Variants in DSCAM observed in about 807,000 individuals in gnomAD.
DSCAM encodes cell adhesion molecule DSCAM.
A neutral mutation model predicts 217.7 loss-of-function variants in DSCAM; 47 were observed. The ratio of observed to expected loss-of-function variants is 0.22; its 90% CI spans 0.17 to 0.28. The LOEUF is 0.28. Among genes scored for constraint, DSCAM ranks in the 10% least tolerant of loss-of-function variants. The probability of loss-of-function intolerance (pLI) is 1.00; values close to 1 mark genes in which losing one functional copy is unlikely to be tolerated. For synonymous variants in DSCAM, 1,056 were observed against 1,015.3 expected (o/e 1.04, Z -0.76); for missense variants, 2,080 against 2,618.3 (o/e 0.79, Z 4.49).
intron 3 of DSCAM, among the ~76,000 whole-genome samples, chr21:40,641,082 A>G (rs1345390660): frequency 6.6e-6 from 1 of 152,216 alleles, no homozygotes; most frequent in East Asian, 1.9e-4. Flanking sequence ...AACCAAACCT[A>G]GTAATACATA....
intron 1 of DSCAM, among the ~76,000 whole-genome samples, chr21:40,837,319 G>A (rs1034273454): frequency 6.6e-6 from 1 of 152,062 alleles, no homozygotes; most frequent in Admixed American, 6.6e-5. Flanking sequence ...AGAGTGTGGG[G>A]CCCCTCGTGC....
intron 26 of DSCAM, among the ~76,000 whole-genome samples, chr21:40,078,361 C>G (rs2089398977): frequency 6.6e-6 from 1 of 152,124 alleles, no homozygotes; most frequent in Non-Finnish European, 1.5e-5. Flanking sequence ...ACAACAAAAG[C>G]AATGTTAGCT....
intron 32 of DSCAM, among the ~76,000 whole-genome samples, chr21:40,035,704 G>A (rs1291676408): frequency 1.3e-5 from 2 of 150,948 alleles, no homozygotes; most frequent in African/African-American, 5.0e-5. Context: ...CAAATCAACA[G>A]AATACACATT....
At chr21:40,350,057 T>A (rs2074612427) in intron 5 of DSCAM, among the ~76,000 whole-genome samples, 1 of 152,146 alleles carries the variant, frequency 6.6e-6, no homozygotes, top group Admixed American at 6.5e-5. Flanking sequence ...ATTATTATTA[T>A]TATTATTTAT....
chr21:40,021,728 T>C (rs1425743636), intron 32 of DSCAM, among the ~76,000 whole-genome samples: 1 of 152,232 alleles, frequency 6.6e-6, no homozygotes, highest in African/African-American at 2.4e-5. Flanking sequence ...TAGGTCAGCA[T>C]TGATTTCTCT....
chr21:40,471,273 C>A (rs2084277591), intron 3 of DSCAM, among the ~76,000 whole-genome samples: 1 of 152,176 alleles, frequency 6.6e-6, no homozygotes, highest in Admixed American at 6.5e-5. Context: ...TATGTCAACT[C>A]TAAGAAACCA....
At chr21:40,240,509 A>C (rs78844978) in intron 11 of DSCAM, among the ~76,000 whole-genome samples, 2,156 of 152,160 alleles carry the variant, frequency 0.014, 61 homozygotes, top group African/African-American at 0.05. Context: ...CTTCCACAAG[A>C]TGACAGTGAA....
intron 16 of DSCAM, among the ~76,000 whole-genome samples, chr21:40,155,297 G>A (rs762087050): frequency 1.3e-4 from 20 of 152,160 alleles, no homozygotes; most frequent in Admixed American, 5.9e-4. Context: ...TAGCTCCCGC[G>A]CCCAACAATG....
chr21:40,334,783 G>A (rs1220723658), intron 8 of DSCAM, among the ~76,000 whole-genome samples: 3 of 152,094 alleles, frequency 2.0e-5, no homozygotes, highest in African/African-American at 7.2e-5. Flanking sequence ...GAGTATCTGG[G>A]ACTACGGGCT....
intron 3 of DSCAM, among the ~76,000 whole-genome samples, chr21:40,432,521 A>T (rs1439341404): frequency 6.6e-6 from 1 of 152,122 alleles, no homozygotes; most frequent in Non-Finnish European, 1.5e-5. Flanking sequence ...CCTCAATTTA[A>T]TCACATCTAT....
intron 32 of DSCAM, among the ~76,000 whole-genome samples, chr21:40,030,641 T>C (rs1445642162): frequency 1.3e-5 from 2 of 152,128 alleles, no homozygotes; most frequent in South Asian, 2.1e-4. Flanking sequence ...CCTGGGGCCA[T>C]CCAACAAAGC....
chr21:40,744,992 A>G (rs2091160032), intron 1 of DSCAM, among the ~76,000 whole-genome samples: 1 of 152,300 alleles, frequency 6.6e-6, no homozygotes, highest in South Asian at 2.1e-4. Flanking sequence ...AATCCTAAGA[A>G]TAAAGAATAC....
At chr21:40,060,592 C>T (rs1022744647) in intron 28 of DSCAM, among the ~76,000 whole-genome samples, 11 of 152,044 alleles carry the variant, frequency 7.2e-5, no homozygotes, top group South Asian at 2.1e-4. Flanking sequence ...GTGGGGGCTG[C>T]GGTGGTGAGC....
At chr21:40,489,643 C>T (rs1366069993) in intron 3 of DSCAM, among the ~76,000 whole-genome samples, 1 of 151,294 alleles carries the variant, frequency 6.6e-6, no homozygotes, top group Non-Finnish European at 1.5e-5. Flanking sequence ...GGCGTAGTGG[C>T]AGGCGCCTGT....
At chr21:40,414,320 AAAATAT>A (rs1365608064) in intron 3 of DSCAM, among the ~76,000 whole-genome samples, 2 of 152,224 alleles carry the variant, frequency 1.3e-5, no homozygotes, top group African/African-American at 4.8e-5. Flanking sequence ...TACAATGTGC[AAAATAT>A]TTGAACAGAT....
intron 3 of DSCAM, among the ~76,000 whole-genome samples, chr21:40,409,777 A>G (rs1644314620): frequency 6.6e-6 from 1 of 152,240 alleles, no homozygotes; most frequent in Admixed American, 6.5e-5. Flanking sequence ...CTAGACTGGA[A>G]CCATGCAAAC....
chr21:40,729,930 A>T (rs894210798), intron 1 of DSCAM, among the ~76,000 whole-genome samples: 1 of 152,202 alleles, frequency 6.6e-6, no homozygotes, highest in African/African-American at 2.4e-5. Context: ...ACTAGAATGA[A>T]TTCGCCGAGT....
chr21:40,628,089 C>T (rs1286606254), intron 3 of DSCAM, among the ~76,000 whole-genome samples: 2 of 152,146 alleles, frequency 1.3e-5, no homozygotes, highest in African/African-American at 4.8e-5. Flanking sequence ...AATGAAACCA[C>T]AAATAATTTG....
At chr21:40,813,742 A>G (rs2091858268) in intron 1 of DSCAM, among the ~76,000 whole-genome samples, 2 of 145,958 alleles carry the variant, frequency 1.4e-5, no homozygotes, top group Non-Finnish European at 3.0e-5. Flanking sequence ...CTGCCTCCCC[A>G]GTTCAAGCAA....
Sources: gnomAD v4.1 joint callset for allele counts (sites outside exome capture counted in the v4.1 genomes callset) on GRCh38, gnomAD v4.1.1 for gene constraint, MANE v1.5 for transcripts, NCBI Gene and HGNC (gene_info 2026-07-23, HGNC 2026-07-21) for gene names.